LARGE1: variants seen among roughly 807,000 people sequenced by gnomAD.
LARGE1 encodes the protein LARGE xylosyl- and glucuronyltransferase 1.
A neutral mutation model predicts 87.6 loss-of-function variants in LARGE1; 43 were observed. The ratio of observed to expected loss-of-function variants is 0.49; its 90% CI spans 0.38 to 0.63. LARGE1 has a LOEUF of 0.63. Ranked by LOEUF, LARGE1 falls within the 30% of genes least tolerant of loss-of-function variation. The pLI is 0.00. For synonymous variants in LARGE1, 434 were observed against 394.6 expected (o/e 1.10, Z -1.18); for missense variants, 802 against 1,000.2 (o/e 0.80, Z 2.67).
chr22:33,232,324 C>T (rs1332502336), intron 11 of LARGE1, among the ~76,000 whole-genome samples: 1 of 152,198 alleles, frequency 6.6e-6, no homozygotes. Flanking sequence ...ACAGCAGATG[C>T]CTCTGTTCCA....
At chr22:33,788,489 G>C (rs1324359342) in intron 1 of LARGE1, among the ~76,000 whole-genome samples, 1 of 152,226 alleles carries the variant, frequency 6.6e-6, no homozygotes, top group Non-Finnish European at 1.5e-5. Flanking sequence ...GTAACAGGCA[G>C]AGGTTGGAAC....
chr22:33,723,026 C>A (rs1218190568), intron 2 of LARGE1, among the ~76,000 whole-genome samples: 1 of 152,014 alleles, frequency 6.6e-6, no homozygotes, highest in Non-Finnish European at 1.5e-5. Context: ...CAATGAGGAG[C>A]CACAGAAAGC....
intron 11 of LARGE1, among the ~76,000 whole-genome samples, chr22:33,185,679 A>AT (rs1212535580): frequency 6.6e-6 from 1 of 152,160 alleles, no homozygotes; most frequent in Non-Finnish European, 1.5e-5. Flanking sequence ...ACTCTCTGTA[A>AT]TTCCACTCAA....
intron 6 of LARGE1, among the ~76,000 whole-genome samples, chr22:33,506,019 T>C (rs1027244250): frequency 6.6e-6 from 1 of 152,054 alleles, no homozygotes; most frequent in African/African-American, 2.4e-5. Flanking sequence ...AGTGGCAGCA[T>C]TCCCCAGGCT....
chr22:33,197,055 T>A lies in LARGE1; in HGVS notation c.1731-30223A>T, dbSNP rs538854814. On this transcript the variant is annotated intron_variant, in intron 11 of 11. Transcript: ENST00000608642. ...ATATATTAACAGAAAAAAAGCACTTTTGATTATTCAACAGATACAGAGAAA... is the reference window on the plus strand; with the variant it reads ...ATATATTAACAGAAAAAAAGCACTTATGATTATTCAACAGATACAGAGAAA... Among the ~76,000 whole-genome samples, 10 of 152,264 alleles carry A rather than the reference T, an allele frequency of 6.6e-5. No individual in the cohort carries two copies. The South Asian group carries it at 1.7e-3, about 25-fold the overall frequency.
chr22:33,407,428 A>G (rs1052511569), intron 7 of LARGE1, among the ~76,000 whole-genome samples: 2 of 152,074 alleles, frequency 1.3e-5, no homozygotes, highest in Non-Finnish European at 2.9e-5. Flanking sequence ...CTTTCCCTCT[A>G]TTTCTTGTGC....
At chr22:33,872,531 G>A (rs2146687613) in intron 1 of LARGE1, among the ~76,000 whole-genome samples, 1 of 152,050 alleles carries the variant, frequency 6.6e-6, no homozygotes, top group African/African-American at 2.4e-5. Context: ...CACCCCCCCA[G>A]CGACACACTA....
At chr22:33,667,052 C>G (rs2081288399) in intron 2 of LARGE1, among the ~76,000 whole-genome samples, 1 of 152,214 alleles carries the variant, frequency 6.6e-6, no homozygotes, top group African/African-American at 2.4e-5. Flanking sequence ...CTCTCTCTCT[C>G]CAGATCCCAG....
chr22:33,686,987 C>T (rs115542929), intron 2 of LARGE1, among the ~76,000 whole-genome samples: 2,233 of 152,312 alleles, frequency 0.015, 62 homozygotes, highest in African/African-American at 0.051. Flanking sequence ...CCCCCGATCA[C>T]GGATGCTGAC....
chr22:33,343,567 T>TGC (rs1261899966), intron 9 of LARGE1, among the ~76,000 whole-genome samples: 1 of 152,218 alleles, frequency 6.6e-6, no homozygotes. Flanking sequence ...AGTAGCCCCC[T>TGC]ACTGTCCTTA....
chr22:33,386,458 G>C (rs1355531059), intron 7 of LARGE1, among the ~76,000 whole-genome samples: 1 of 148,344 alleles, frequency 6.7e-6, no homozygotes, highest in Non-Finnish European at 1.5e-5. Flanking sequence ...TACTTGCCCT[G>C]CACAGCTCAG....
At chr22:33,827,119 T>C (rs557411299) in intron 1 of LARGE1, among the ~76,000 whole-genome samples, 21 of 151,992 alleles carry the variant, frequency 1.4e-4, no homozygotes, top group African/African-American at 5.1e-4. Context: ...TCCCAGCACT[T>C]TGGGAGGCCG....
intron 2 of LARGE1, among the ~76,000 whole-genome samples, chr22:33,756,720 A>G (rs888910791): frequency 6.6e-6 from 1 of 152,204 alleles, no homozygotes; most frequent in African/African-American, 2.4e-5. Context: ...CAAGGAGCAG[A>G]GCGGTGCTCT....
At chr22:33,266,210 T>A (rs1336924766) in intron 11 of LARGE1, among the ~76,000 whole-genome samples, 1 of 148,208 alleles carries the variant, frequency 6.7e-6, no homozygotes, top group Non-Finnish European at 1.5e-5. Context: ...CTAGGTCTGA[T>A]TTTCAGGGCT....
chr22:33,903,396 T>G (rs2065341625), intron 1 of LARGE1, among the ~76,000 whole-genome samples: 1 of 152,160 alleles, frequency 6.6e-6, no homozygotes, highest in South Asian at 2.1e-4. Flanking sequence ...TACTTTGTTA[T>G]GGCCACCCTG....
intron 11 of LARGE1, among the ~76,000 whole-genome samples, chr22:33,202,222 G>A (rs1476309167): frequency 1.3e-5 from 2 of 152,096 alleles, no homozygotes; most frequent in South Asian, 2.1e-4. Flanking sequence ...CAGAGAAAGA[G>A]ATACTCTCCC....
chr22:33,183,723 G>A (rs1486030053), intron 11 of LARGE1, among the ~76,000 whole-genome samples: 2 of 151,896 alleles, frequency 1.3e-5, no homozygotes, highest in Non-Finnish European at 2.9e-5. Flanking sequence ...TATGCTAAGT[G>A]AAATAAACCA....
chr22:33,227,989 T>C lies in LARGE1; in HGVS notation c.1731-61157A>G, dbSNP rs116068250. On this transcript the variant is annotated intron_variant, in intron 11 of 11. Transcript: ENST00000608642. ...ATGATGATGACTGTAGTAATGGTAA[T>C]AATGTCAACATATTTCTATTCATTC... is the stretch of plus-strand genomic sequence containing the variant. Among the ~76,000 whole-genome samples the C allele has an allele frequency of 1.6e-3, 237 of 152,370 alleles. 1 individual carries two copies. The highest frequency in any genetic ancestry group is 5.3e-3 in the African/African-American group (220 of 41,590).
At chr22:33,425,111 A>C (rs2066831970) in intron 7 of LARGE1, among the ~76,000 whole-genome samples, 1 of 151,894 alleles carries the variant, frequency 6.6e-6, no homozygotes, top group Admixed American at 6.6e-5. Flanking sequence ...AAAATACAAA[A>C]ATTAGCCAGG....
Sources: gnomAD v4.1 joint callset for allele counts (sites outside exome capture counted in the v4.1 genomes callset) on GRCh38, gnomAD v4.1.1 for gene constraint, MANE v1.5 for transcripts, NCBI Gene and HGNC (gene_info 2026-07-23, HGNC 2026-07-21) for gene names.